GLI2: variants seen among roughly 807,000 people sequenced by gnomAD.
GLI2 encodes the protein GLI family zinc finger 2, also known as transcription activator GLI2.
In GLI2, 22 loss-of-function variants were observed where a neutral mutation model predicts 78.9. The observed-to-expected ratio is 0.28, with a 90% CI of 0.20 to 0.40. The LOEUF is 0.40. Among genes scored for constraint, GLI2 ranks in the 10% least tolerant of loss-of-function variants. The pLI is 1.00. For missense variants in GLI2, 2,097 were observed against 2,213.2 expected, an observed-to-expected ratio of 0.95 and a Z score of 1.05; for synonymous variants, 974 against 963.7, an observed-to-expected ratio of 1.01 and a Z score of -0.20.
intron 5 of GLI2, among the ~76,000 whole-genome samples, chr2:120,957,709 A>T (rs1208892208): frequency 6.6e-6 from 1 of 152,230 alleles, no homozygotes; most frequent in Non-Finnish European, 1.5e-5. Flanking sequence ...GATTTTCAGC[A>T]TGAGCGTCTG....
intron 2 of GLI2, among the ~76,000 whole-genome samples, chr2:120,802,033 A>G (rs1558804003): frequency 1.3e-5 from 2 of 152,194 alleles, no homozygotes; most frequent in African/African-American, 2.4e-5. Flanking sequence ...ATGTGTCTTC[A>G]TGCCTCAGTT....
At chr2:120,883,118 A>G (rs1677234054) in intron 2 of GLI2, among the ~76,000 whole-genome samples, 1 of 152,194 alleles carries the variant, frequency 6.6e-6, no homozygotes, top group African/African-American at 2.4e-5. Flanking sequence ...GAGAGAAGTA[A>G]TAGGTTCCTT....
intron 2 of GLI2, among the ~76,000 whole-genome samples, chr2:120,907,712 T>A (rs1421310002): frequency 6.6e-6 from 1 of 152,102 alleles, no homozygotes; most frequent in Non-Finnish European, 1.5e-5. Context: ...GGTCATGTAC[T>A]CCTCAAGCCT....
At chr2:120,776,778 G>A (rs1047976044) in intron 1 of GLI2, among the ~76,000 whole-genome samples, 3 of 152,202 alleles carry the variant, frequency 2.0e-5, no homozygotes, top group Non-Finnish European at 4.4e-5. Context: ...CCTAGCCGGC[G>A]TTCTCCCAAG....
At chr2:120,827,153 A>G (rs1686107028) in intron 2 of GLI2, among the ~76,000 whole-genome samples, 1 of 152,220 alleles carries the variant, frequency 6.6e-6, no homozygotes, top group Admixed American at 6.5e-5. Flanking sequence ...GAGCCAGCCC[A>G]GAAACACAAA....
In GLI2 at chr2:120,962,344, G is replaced by A. The variant is rs149784303; in HGVS notation, c.644-6370G>A. Among the ~76,000 whole-genome samples, 381 of 152,236 alleles carry A rather than the reference G, an allele frequency of 2.5e-3. 1 individual carries two copies. Among genetic ancestry groups the A allele is most frequent in the African/African-American group, 8.7e-3 (362 of 41,514 alleles). On this transcript the variant is annotated intron_variant, in intron 5 of 13. Coordinates refer to ENST00000361492, the MANE Select transcript of GLI2 (RefSeq NM_001374353.1). Reference sequence around the variant, plus strand: ...CCTTGCAAATCCTGCCTGGTGCCTCGGAGTACTGTCTTCATCTCTCTCCTA... The same window carrying A: ...CCTTGCAAATCCTGCCTGGTGCCTCAGAGTACTGTCTTCATCTCTCTCCTA...
intron 2 of GLI2, chr2:120,866,512 G>C (rs914748240): frequency 9.9e-5 from 15 of 152,218 alleles, no homozygotes; most frequent in African/African-American, 3.1e-4. Flanking sequence ...TGCAAAAGAA[G>C]GTATAGAATG....
intron 2 of GLI2, among the ~76,000 whole-genome samples, chr2:120,923,001 C>T (rs891515567): frequency 1.3e-5 from 2 of 152,124 alleles, no homozygotes; most frequent in Admixed American, 6.5e-5. Flanking sequence ...AGGCCTCTTT[C>T]TGGAAGCCTC....
chr2:120,852,053 G>C (rs1267351730), intron 2 of GLI2, among the ~76,000 whole-genome samples: 1 of 152,222 alleles, frequency 6.6e-6, no homozygotes, highest in Non-Finnish European at 1.5e-5. Context: ...GGAAAGGCAG[G>C]CCAGAGGTGG....
intron 2 of GLI2, among the ~76,000 whole-genome samples, chr2:120,912,066 G>A (rs1678850105): frequency 6.6e-6 from 1 of 152,140 alleles, no homozygotes; most frequent in Non-Finnish European, 1.5e-5. Context: ...ACAAAGCAGG[G>A]CCTTTGCCCA....
chr2:120,888,114 C>T (rs906447743), intron 2 of GLI2, among the ~76,000 whole-genome samples: 3 of 152,208 alleles, frequency 2.0e-5, no homozygotes, highest in African/African-American at 7.2e-5. Flanking sequence ...GCTCTGTCAC[C>T]TGCCTTCTTT....
intron 3 of GLI2, among the ~76,000 whole-genome samples, chr2:120,934,426 G>A (rs1050952596): frequency 6.6e-6 from 1 of 152,166 alleles, no homozygotes; most frequent in Admixed American, 6.5e-5. Flanking sequence ...CTCCACCCCC[G>A]ACCTGACCAC....
chr2:120,868,312 G>A (rs1247509102), intron 2 of GLI2, among the ~76,000 whole-genome samples: 1 of 152,250 alleles, frequency 6.6e-6, no homozygotes, highest in East Asian at 1.9e-4. Context: ...GGAAAGTTAA[G>A]TATAGGAGAG....
chr2:120,850,458 T>C (rs938369448), intron 2 of GLI2, among the ~76,000 whole-genome samples: 1 of 152,216 alleles, frequency 6.6e-6, no homozygotes, highest in Non-Finnish European at 1.5e-5. Flanking sequence ...AGACAAGCTC[T>C]CAGGCAGATG....
chr2:120,773,727 A>G (rs2104660662), intron 1 of GLI2, among the ~76,000 whole-genome samples: 1 of 152,248 alleles, frequency 6.6e-6, no homozygotes, highest in African/African-American at 2.4e-5. Flanking sequence ...GGCAGGTGGC[A>G]GGCAGCACGG....
At chr2:120,745,353 C>G (rs1312980079) in intron 1 of GLI2, among the ~76,000 whole-genome samples, 2 of 152,140 alleles carry the variant, frequency 1.3e-5, no homozygotes, top group Non-Finnish European at 2.9e-5. Context: ...GGAAGTTTGA[C>G]CCACACTTAG....
intron 1 of GLI2, among the ~76,000 whole-genome samples, chr2:120,746,791 G>A (rs189532026): frequency 6.6e-6 from 1 of 152,184 alleles, no homozygotes; most frequent in Admixed American, 6.5e-5. Flanking sequence ...TAAATTTCCT[G>A]CTAGTCTCTG....
chr2:120,983,946 G>GGGGTGTGTGT (rs112474343), intron 11 of GLI2, among the ~76,000 whole-genome samples: 2 of 143,124 alleles, frequency 1.4e-5, no homozygotes, highest in South Asian at 4.7e-4. Flanking sequence ...TGGTGTGTGG[G>GGGGTGTGTGT]GTGTGTGTGT....
chr2:120,972,636 G>A lies in GLI2; in HGVS notation c.1182+573G>A, dbSNP rs141403307. The A allele has an allele frequency of 2.4e-3, 1,232 of 518,942 alleles. 7 individuals carry two copies. The highest frequency in any genetic ancestry group is 0.016 in the African/African-American group (816 of 52,096). The allele number at this position is 518,942 out of a possible 1,614,324, so 32.1% of individuals were successfully genotyped here. On this transcript the variant is annotated intron_variant, in intron 8 of 13. Transcript: ENST00000361492. ...TTGGAGAGGTGGCGCTATGGGAGAA[G>A]TGCCTGACTGGGTTCCATGCCACCA...
Sources: gnomAD v4.1 joint callset for allele counts (sites outside exome capture counted in the v4.1 genomes callset) on GRCh38, gnomAD v4.1.1 for gene constraint, MANE v1.5 for transcripts, NCBI Gene and HGNC (gene_info 2026-07-23, HGNC 2026-07-21) for gene names.